RBX1: variants seen among roughly 807,000 people sequenced by gnomAD.
RBX1 encodes E3 ubiquitin-protein ligase RBX1.
For missense variants in RBX1, 46 were observed against 141.4 expected (o/e 0.33, Z 3.42); for synonymous variants, 48 against 47.9 (o/e 1.00, Z -0.01).
chr22:40,962,987 CG>C (rs995618131), intron 2 of RBX1, among the ~76,000 whole-genome samples: 1 of 151,468 alleles, frequency 6.6e-6, no homozygotes, highest in African/African-American at 2.4e-5. Flanking sequence ...TGAGCCATCG[CG>C]CCTGGCCTAC....
intron 2 of RBX1, among the ~76,000 whole-genome samples, chr22:40,959,584 G>A (rs576870154): frequency 1.1e-4 from 17 of 152,312 alleles, no homozygotes; most frequent in African/African-American, 3.6e-4. Context: ...GCCAGGACGC[G>A]TGGATCGTGT....
intron 2 of RBX1, among the ~76,000 whole-genome samples, chr22:40,955,552 C>T (rs2058323150): frequency 6.6e-6 from 1 of 152,096 alleles, no homozygotes; most frequent in Admixed American, 6.6e-5. Flanking sequence ...TGTCTTTGTA[C>T]TATCTTTGAA....
intron 4 of RBX1, among the ~76,000 whole-genome samples, chr22:40,968,134 A>G (rs527773093): frequency 6.5e-5 from 8 of 123,008 alleles, no homozygotes; most frequent in South Asian, 2.5e-4. Context: ...TTTGTTGCCC[A>G]GGCTGGAGTG....
chr22:40,961,895 C>T (rs981361817), intron 2 of RBX1, among the ~76,000 whole-genome samples: 3 of 151,950 alleles, frequency 2.0e-5, no homozygotes, highest in Non-Finnish European at 4.4e-5. Flanking sequence ...AGTGATTCTC[C>T]TGCCTCAGCC....
intron 3 of RBX1, chr22:40,966,857 A>G (rs2058355673): frequency 6.6e-6 from 1 of 152,196 alleles, no homozygotes; most frequent in Non-Finnish European, 1.5e-5. Context: ...TGAAGGAAGC[A>G]CTTGCTGCGT....
chr22:40,951,888 G>C (rs925731966), intron 1 of RBX1, among the ~76,000 whole-genome samples: 2 of 152,046 alleles, frequency 1.3e-5, no homozygotes, highest in African/African-American at 4.8e-5. Flanking sequence ...TGGAACCTGA[G>C]GTCCTACCGC....
At chr22:40,966,198 T>C (rs2058353951) in intron 3 of RBX1, 1 of 152,252 alleles carries the variant, frequency 6.6e-6, no homozygotes, top group Admixed American at 6.5e-5. Flanking sequence ...CAACATCTTC[T>C]GTAAACTGTC....
At chr22:40,960,895 A>G (rs2058337991) in intron 2 of RBX1, among the ~76,000 whole-genome samples, 1 of 151,730 alleles carries the variant, frequency 6.6e-6, no homozygotes, top group Admixed American at 6.6e-5. Context: ...AGTAGCTGGG[A>G]TTATAGGCAT....
chr22:40,968,063 T>C (rs1373496264), intron 4 of RBX1, among the ~76,000 whole-genome samples, 179 bp downstream of exon 4: 3 of 151,912 alleles, frequency 2.0e-5, no homozygotes, highest in African/African-American at 7.3e-5. Flanking sequence ...CATTAGACAT[T>C]TGCAGCCTAG....
rs2058372563 is a variant in RBX1 at position 40,972,760 on chromosome 22, G to C, written c.*272G>C. On this transcript the variant is annotated 3_prime_UTR_variant, in exon 5 of 5. Transcript: ENST00000216225. ...CTCAGCTTTTGAAAGTGAAATGTTT[G>C]TTCATCGGGGCCAGAGCAGGGTTGT... 4.9e-6 allele frequency: 2 copies of C among 405,338 alleles called. No homozygotes were observed. The highest frequency in any genetic ancestry group is 9.2e-6 in the Non-Finnish European group (2 of 217,500). The allele number at this position is 405,338 out of a possible 1,614,324, so 25.1% of individuals were successfully genotyped here. A position where few individuals can be genotyped will look rare whatever the true frequency, so the allele number is the denominator to read the frequency against.
At chr22:40,966,536 C>G (rs1198058221) in intron 3 of RBX1, 1 of 152,158 alleles carries the variant, frequency 6.6e-6, no homozygotes, top group Non-Finnish European at 1.5e-5. Context: ...GTGAGTTATA[C>G]AAGAGTCAGC....
Position 40,960,701 on chromosome 22 carries a change from TATA to T in RBX1, c.158-3345_158-3343del, listed in dbSNP as rs1232333351. Among the ~76,000 whole-genome samples the T allele has an allele frequency of 5.3e-5, 8 of 152,294 alleles. No individual in the cohort carries two copies. The East Asian group carries it at 1.5e-3, about 29-fold the overall frequency. On this transcript the variant is annotated intron_variant, in intron 2 of 4. Coordinates refer to ENST00000216225, the MANE Select transcript of RBX1 (RefSeq NM_014248.4). ...TACTTTTCTCTGCCATTCTTTTAAT[TATA>T]GTAGTGTATTCCAGTTTCAATAAGT... is the stretch of plus-strand genomic sequence containing the variant.
chr22:40,968,114 G>A (rs559147691), intron 4 of RBX1, among the ~76,000 whole-genome samples: 14 of 130,500 alleles, frequency 1.1e-4, no homozygotes, highest in East Asian at 8.8e-4. Flanking sequence ...TTTTTGAGAC[G>A]GAGTCTCGCT....
chr22:40,970,713 C>T (rs1437816354), intron 4 of RBX1, among the ~76,000 whole-genome samples: 4 of 151,672 alleles, frequency 2.6e-5, no homozygotes. Flanking sequence ...AATTTAAATA[C>T]GTCTTTATTA....
At chr22:40,961,512 C>G (rs1374734275) in intron 2 of RBX1, among the ~76,000 whole-genome samples, 1 of 151,872 alleles carries the variant, frequency 6.6e-6, no homozygotes, top group Non-Finnish European at 1.5e-5. Context: ...CTCCCGGGTT[C>G]ACACCATTCT....
At chr22:40,957,218 A>G (rs755620072) in intron 2 of RBX1, among the ~76,000 whole-genome samples, 14 of 147,776 alleles carry the variant, frequency 9.5e-5, no homozygotes, top group Non-Finnish European at 1.9e-4. Context: ...GGTAGCACGC[A>G]CCTGTAATCC....
At chr22:40,968,806 A>T (rs994007783) in intron 4 of RBX1, among the ~76,000 whole-genome samples, 3 of 146,608 alleles carry the variant, frequency 2.0e-5, no homozygotes, top group South Asian at 2.1e-4. Context: ...GTATATATAT[A>T]TTTTTGTTAA....
chr22:40,960,887 T>C (rs2058337984), intron 2 of RBX1, among the ~76,000 whole-genome samples: 1 of 152,156 alleles, frequency 6.6e-6, no homozygotes, highest in African/African-American at 2.4e-5. Context: ...GCCTCTCTAG[T>C]AGCTGGGATT....
intron 4 of RBX1, among the ~76,000 whole-genome samples, chr22:40,969,906 A>G (rs1465204223): frequency 6.6e-6 from 1 of 151,710 alleles, no homozygotes; most frequent in Admixed American, 6.6e-5. Context: ...AAAAAAAGAA[A>G]GAAAATTAGC....
Sources: gnomAD v4.1 joint callset for allele counts (sites outside exome capture counted in the v4.1 genomes callset) on GRCh38, gnomAD v4.1.1 for gene constraint, MANE v1.5 for transcripts, NCBI Gene and HGNC (gene_info 2026-07-23, HGNC 2026-07-21) for gene names.